Variants in CSMD1 observed in about 807,000 individuals in gnomAD.
CSMD1 encodes CUB and sushi domain-containing protein 1.
Under a neutral mutation model 417.5 loss-of-function variants are expected in CSMD1, and 213 were observed. That is an observed-to-expected ratio of 0.51 (90% confidence interval 0.46 to 0.57). CSMD1 has a LOEUF of 0.57. Ranked by LOEUF, CSMD1 falls within the 20% of genes least tolerant of loss-of-function variation. CSMD1 has a pLI of 0.00. For synonymous variants in CSMD1, 2,862 were observed against 1,736.8 expected (o/e 1.65, Z -16.11); for missense variants, 6,923 against 4,529.7 (o/e 1.53, Z -15.17).
chr8:4,915,034 G>A (rs965913452), intron 1 of CSMD1, among the ~76,000 whole-genome samples: 2 of 152,154 alleles, frequency 1.3e-5, no homozygotes, highest in African/African-American at 2.4e-5. Flanking sequence ...ATGAGAAACT[G>A]CACGTGTGGA....
chr8:4,092,734 T>C (rs1345295930), intron 3 of CSMD1, among the ~76,000 whole-genome samples: 1 of 152,182 alleles, frequency 6.6e-6, no homozygotes, highest in Admixed American at 6.5e-5. Flanking sequence ...ACTTTTTAAC[T>C]TCCACATTTT....
chr8:4,934,461 C>G (rs11136807), intron 1 of CSMD1, among the ~76,000 whole-genome samples: 1 of 152,142 alleles, frequency 6.6e-6, no homozygotes, highest in Admixed American at 6.5e-5. Flanking sequence ...GTATTCACAT[C>G]AACACTCCAC....
intron 3 of CSMD1, among the ~76,000 whole-genome samples, chr8:4,275,127 T>C (rs1022926754): frequency 1.3e-5 from 2 of 152,164 alleles, no homozygotes; most frequent in Admixed American, 6.5e-5. Context: ...AGATAACCAA[T>C]GATAGTCAAT....
intron 2 of CSMD1, among the ~76,000 whole-genome samples, chr8:4,607,040 C>A (rs1337469897): frequency 6.6e-6 from 1 of 152,146 alleles, no homozygotes; most frequent in African/African-American, 2.4e-5. Context: ...GAAAATCGAT[C>A]ATTTGCTCTT....
chr8:4,307,474 G>A (rs558968450), intron 3 of CSMD1, among the ~76,000 whole-genome samples: 1 of 152,142 alleles, frequency 6.6e-6, no homozygotes, highest in South Asian at 2.1e-4. Context: ...ATCCCCCAAG[G>A]ATATTAACAG....
At chr8:3,407,158 G>A (rs572154410) in intron 14 of CSMD1, among the ~76,000 whole-genome samples, 1 of 124,622 alleles carries the variant, frequency 8.0e-6, no homozygotes, top group East Asian at 2.1e-4. Flanking sequence ...TGGATGGATG[G>A]ACAGATGGAA....
chr8:4,992,040 G>C (rs1811496527), intron 1 of CSMD1, among the ~76,000 whole-genome samples: 1 of 152,140 alleles, frequency 6.6e-6, no homozygotes, highest in African/African-American at 2.4e-5. Context: ...CAGGGGCCTG[G>C]GACCCTGGGC....
intron 3 of CSMD1, among the ~76,000 whole-genome samples, chr8:4,308,335 T>C (rs1001414241): frequency 6.6e-6 from 1 of 151,928 alleles, no homozygotes; most frequent in African/African-American, 2.4e-5. Flanking sequence ...CTGGTGTGTA[T>C]CGTTTGTGGT....
intron 26 of CSMD1, among the ~76,000 whole-genome samples, chr8:3,230,445 C>T (rs755184447): frequency 1.3e-5 from 2 of 152,060 alleles, no homozygotes; most frequent in Non-Finnish European, 2.9e-5. Context: ...TAGCAAGATT[C>T]TGTTGAAAAT....
At chr8:4,330,221 C>G (rs1315004519) in intron 3 of CSMD1, among the ~76,000 whole-genome samples, 3 of 151,998 alleles carry the variant, frequency 2.0e-5, no homozygotes, top group African/African-American at 7.3e-5. Context: ...CCCGTCAGAT[C>G]CACCTGTCAG....
At position 4,420,178 on chromosome 8, in the gene CSMD1, G is replaced by A. The variant is rs1431685237; in HGVS notation, c.303-113C>T. ...ACAGTGGTATATTCACTTGAAATATGGCATTAAACACTTAGATAATCCATA... is the reference window on the plus strand; with the variant it reads ...ACAGTGGTATATTCACTTGAAATATAGCATTAAACACTTAGATAATCCATA... On this transcript the variant is annotated intron_variant, in intron 2 of 69. Transcript: ENST00000635120. 4 of 629,524 alleles carry A rather than the reference G, an allele frequency of 6.4e-6. No individual in the cohort carries two copies. The Admixed American group carries it at 7.3e-5, about 12-fold the overall frequency. 39.0% of individuals were successfully genotyped at this position (629,524 alleles called of 1,614,324 possible).
At chr8:3,608,420 C>T (rs1276294068) in intron 8 of CSMD1, among the ~76,000 whole-genome samples, 2 of 152,092 alleles carry the variant, frequency 1.3e-5, no homozygotes, top group East Asian at 1.9e-4. Context: ...AGTTCAGTTT[C>T]AGCATCTTTG....
At chr8:3,800,683 G>T (rs763801378) in intron 5 of CSMD1, among the ~76,000 whole-genome samples, 1 of 152,170 alleles carries the variant, frequency 6.6e-6, no homozygotes, top group Non-Finnish European at 1.5e-5. Flanking sequence ...ATTCTCGTGG[G>T]AGTGAGTGAG....
At chr8:3,922,915 A>G (rs1809376021) in intron 5 of CSMD1, among the ~76,000 whole-genome samples, 1 of 152,230 alleles carries the variant, frequency 6.6e-6, no homozygotes, top group African/African-American at 2.4e-5. Context: ...ATGAACACAA[A>G]TAATGGTCAA....
intron 3 of CSMD1, among the ~76,000 whole-genome samples, chr8:4,130,604 G>A (rs75946784): frequency 0.031 from 4,785 of 151,978 alleles, 257 homozygotes; most frequent in African/African-American, 0.11. Flanking sequence ...ATTGTATTAC[G>A]CTCTTGTCTT....
intron 1 of CSMD1, among the ~76,000 whole-genome samples, chr8:4,796,190 G>A (rs1228899796): frequency 6.6e-6 from 1 of 151,854 alleles, no homozygotes; most frequent in Non-Finnish European, 1.5e-5. Flanking sequence ...GAAAATGCAG[G>A]AAGACCAGCT....
At chr8:4,760,587 A>C (rs961809965) in intron 1 of CSMD1, among the ~76,000 whole-genome samples, 5 of 152,218 alleles carry the variant, frequency 3.3e-5, no homozygotes, top group Non-Finnish European at 5.9e-5. Context: ...TAGAATAATT[A>C]TACCTATGAA....
intron 3 of CSMD1, among the ~76,000 whole-genome samples, chr8:4,218,894 T>A (rs1290932493): frequency 1.3e-5 from 2 of 152,214 alleles, no homozygotes; most frequent in Non-Finnish European, 2.9e-5. Flanking sequence ...AAATCAAATA[T>A]ATGATCTTTC....
chr8:3,948,693 C>G (rs1285739272), intron 5 of CSMD1, among the ~76,000 whole-genome samples: 2 of 152,034 alleles, frequency 1.3e-5, no homozygotes, highest in South Asian at 2.1e-4. Flanking sequence ...TTCTATTCCA[C>G]CAACTTAATA....
Sources: allele counts gnomAD v4.1 joint callset (sites outside exome capture counted in the v4.1 genomes callset), GRCh38; gene constraint gnomAD v4.1.1; transcripts MANE v1.5; gene names NCBI Gene and HGNC (gene_info 2026-07-23, HGNC 2026-07-21).